TRIM67: variants seen among roughly 807,000 people sequenced by gnomAD.
TRIM67 encodes the protein tripartite motif containing 67, also known as tripartite motif-containing protein 67.
A neutral mutation model predicts 71.0 loss-of-function variants in TRIM67; 39 were observed. That is an observed-to-expected ratio of 0.55 (90% CI 0.43 to 0.72). The LOEUF (loss-of-function observed/expected upper bound fraction) is 0.72, where lower values mean the gene tolerates loss of function less well. Among genes scored for constraint, TRIM67 ranks in the 30% least tolerant of loss-of-function variants. The pLI is 0.00. For synonymous variants in TRIM67, 481 were observed against 473.9 expected, an observed-to-expected ratio of 1.01 and a Z score of -0.19; for missense variants, 973 against 1,079.2, an observed-to-expected ratio of 0.90 and a Z score of 1.38.
chr1:231,217,150 C>T lies in TRIM67; in HGVS notation c.*1710C>T. 1 of 985,980 alleles carries T rather than the reference C, an allele frequency of 1.0e-6. No individual in the cohort carries two copies. The highest frequency in any genetic ancestry group is 1.2e-6 in the Non-Finnish European group (1 of 830,024). The allele number at this position is 985,980 out of a possible 1,614,324, so 61.1% of individuals were successfully genotyped here. ...CAGGCCCGACAATCCTACCTCAAAG[C>T]TCATGCTCTTGGTCTGCAAGGCTGC... On this transcript the variant is annotated 3_prime_UTR_variant, in exon 10 of 10. Coordinates refer to ENST00000366653, the MANE Select transcript of TRIM67 (RefSeq NM_001004342.5).
intron 1 of TRIM67, among the ~76,000 whole-genome samples, chr1:231,174,600 C>G (rs1361411540): frequency 1.3e-5 from 2 of 152,096 alleles, no homozygotes; most frequent in African/African-American, 2.4e-5. Context: ...TAGCCCCTCT[C>G]CCTCTCCCTT....
rs779119849 is a variant in TRIM67, at chr1:231,209,020, CT to C, written c.1894del (p.Cys632AlafsTer48). 6.2e-7 allele frequency: 1 copy of C among 1,613,072 alleles called. No individual in the cohort carries two copies. The highest frequency in any genetic ancestry group is 1.1e-5 in the South Asian group (1 of 91,038). ...ILSNDNQTAT[C>X]SSYDDRVVLG... is the part of the protein sequence containing the mutation. ...TATCCAATGACAACCAGACAGCCAC[CT>C]GCAGCAGCTATGACGACCGGGTGGT... On this transcript the variant is annotated frameshift_variant, in exon 8 of 10. Coordinates refer to ENST00000366653, the MANE Select transcript of TRIM67 (RefSeq NM_001004342.5). LOFTEE classifies it high-confidence loss of function. This position sits in a 1 kb window ranked among gnomAD's most constrained non-coding sequence, Gnocchi z 4.1.
chr1:231,219,886 G>A lies in TRIM67; in HGVS notation c.*4446G>A, dbSNP rs1684100102. On this transcript the variant is annotated 3_prime_UTR_variant, in exon 10 of 10. Coordinates refer to ENST00000366653, the MANE Select transcript of TRIM67 (RefSeq NM_001004342.5). ...AATATCTAGGCTGTAAAAATATGAGGGCAGGTTTCGGGCAGGATGTATTGA... is the reference window on the plus strand; with the variant it reads ...AATATCTAGGCTGTAAAAATATGAGAGCAGGTTTCGGGCAGGATGTATTGA... The A allele has an allele frequency of 7.8e-7, 1 of 1,289,636 alleles. No homozygotes were observed. Among genetic ancestry groups the A allele is most frequent in the South Asian group, 1.2e-5 (1 of 81,014 alleles). The allele number at this position is 1,289,636 out of a possible 1,614,324, so 79.9% of individuals were successfully genotyped here.
chr1:231,189,777 C>G (rs1404909067), intron 1 of TRIM67, among the ~76,000 whole-genome samples: 1 of 152,084 alleles, frequency 6.6e-6, no homozygotes, highest in Non-Finnish European at 1.5e-5. Context: ...AAAGTCCCCA[C>G]TGCTGATACC....
chr1:231,205,489 G>A (rs1048859920), intron 6 of TRIM67, among the ~76,000 whole-genome samples: 1 of 152,180 alleles, frequency 6.6e-6, no homozygotes, highest in Admixed American at 6.5e-5. Context: ...ACTTTGGGAG[G>A]CCAAGGCGGA....
chr1:231,187,426 C>T (rs927174478), intron 1 of TRIM67: 5 of 1,122,642 alleles, frequency 4.5e-6, no homozygotes, highest in Non-Finnish European at 6.1e-6. Flanking sequence ...TTACATTTCT[C>T]ATTTATTTCT....
intron 1 of TRIM67, among the ~76,000 whole-genome samples, chr1:231,167,611 C>T (rs1303357039): frequency 2.8e-5 from 3 of 105,890 alleles, no homozygotes; most frequent in African/African-American, 6.0e-5. Context: ...CGTGAGCCAC[C>T]GCGCCCGGCC....
chr1:231,179,009 G>A (rs1387469359), intron 1 of TRIM67, among the ~76,000 whole-genome samples: 1 of 152,222 alleles, frequency 6.6e-6, no homozygotes, highest in Non-Finnish European at 1.5e-5. Context: ...ATATATGTAA[G>A]GGTATGTATT....
chr1:231,189,081 G>A (rs1404962895), intron 1 of TRIM67, among the ~76,000 whole-genome samples: 1 of 152,172 alleles, frequency 6.6e-6, no homozygotes, highest in Non-Finnish European at 1.5e-5. Flanking sequence ...CCCTCAATCA[G>A]GCACCATTTA....
rs1362143031 is a variant in TRIM67 at position 231,215,486 on chromosome 1, G to A, written c.*46G>A. The A allele has an allele frequency of 2.6e-6, 4 of 1,541,396 alleles. No homozygotes were observed. Among genetic ancestry groups the A allele is most frequent in the Non-Finnish European group, 3.5e-6 (4 of 1,137,488 alleles). On this transcript the variant is annotated 3_prime_UTR_variant, in exon 10 of 10. Coordinates refer to ENST00000366653, the MANE Select transcript of TRIM67 (RefSeq NM_001004342.5). ...GTGCCTGTGACAGTGACATTCACAG[G>A]CAAAACGCCCACCATTCTCACTAAG...
rs200872132 is a variant in TRIM67, at chr1:231,203,875, G to A, written c.1543G>A (p.Val515Ile). 117 of 1,613,184 alleles carry A rather than the reference G, an allele frequency of 7.3e-5. No homozygotes were observed. The African/African-American group carries it at 7.3e-4, about 10-fold the overall frequency. ...GTGTGTCCCCCTCGCAGTGCCACCC[G>A]TCCCCCTACTGCAGCTGGAGAAATG... ...FIQMKCRVPP[V>I]PLLQLEKCCT... The change falls in exon 6 of 10, where the codon GTC becomes ATC. Residue 515 changes from valine to isoleucine, a missense_variant. Around this residue, in one of 2 missense-constraint regions of TRIM67, gnomAD observed 795 missense variants for 831.3 expected, o/e 0.96. Transcript: ENST00000366653.
intron 7 of TRIM67, among the ~76,000 whole-genome samples, chr1:231,207,312 A>C (rs1683732816): frequency 6.6e-6 from 1 of 152,206 alleles, no homozygotes; most frequent in Non-Finnish European, 1.5e-5. Context: ...AGCCTTTCTC[A>C]CAGCGGAAAA....
chr1:231,208,061 G>C (rs1041855416), intron 7 of TRIM67, among the ~76,000 whole-genome samples: 1 of 149,694 alleles, frequency 6.7e-6, no homozygotes, highest in Admixed American at 6.7e-5. Context: ...CCAGGCTGGA[G>C]TGCAATGGCA....
intron 1 of TRIM67, chr1:231,184,769 G>A (rs936586797): frequency 1.8e-6 from 1 of 543,900 alleles, no homozygotes; most frequent in Admixed American, 3.2e-5. Flanking sequence ...ACCATGAGTA[G>A]AGTGCCAGTC....
rs1288635958 is a variant in TRIM67 at position 231,208,831 on chromosome 1, A to C, written c.1820-116A>C. 3.1e-6 allele frequency: 3 copies of C among 982,270 alleles called. No individual in the cohort carries two copies. In the Admixed American group the frequency reaches 7.0e-5, roughly 23 times the overall value. The allele number at this position is 982,270 out of a possible 1,614,324, so 60.8% of individuals were successfully genotyped here. The stretch of plus-strand genomic sequence containing the variant: ...GGTAATCATACAGGAAAGACCCTTC[A>C]CTTCTGGGTGCCGACTTTCTAACAG... On this transcript the variant is annotated intron_variant, in intron 7 of 9. Coordinates refer to ENST00000366653, the MANE Select transcript of TRIM67 (RefSeq NM_001004342.5).
At position 231,163,240 on chromosome 1, in the gene TRIM67, G is replaced by T. The variant is rs544456327; in HGVS notation, c.271G>T (p.Gly91Cys). Residue 91 changes from glycine (G) to cysteine (C), a missense_variant, in exon 1 of 10, where the codon GGT becomes TGT. Transcript: ENST00000366653. ...GAGTGCAGCTGGCGGCCTCGGCGGC[G>T]GTGCGGGAGGTGGCGGAGACCACGC... is the stretch of plus-strand genomic sequence containing the variant. ...GGSAAGGLGG[G>C]AGGGGDHADK... 68 of 1,502,050 alleles carry T rather than the reference G, an allele frequency of 4.5e-5. No individual in the cohort carries two copies. The East Asian group carries it at 1.1e-3, about 24-fold the overall frequency. The allele number at this position is 1,502,050 out of a possible 1,614,324, so 93.0% of individuals were successfully genotyped here.
rs1159771779 is a variant in TRIM67, at chr1:231,215,635, C to T, written c.*195C>T. 2 of 1,344,832 alleles carry T rather than the reference C, an allele frequency of 1.5e-6. No individual in the cohort carries two copies. The highest frequency in any genetic ancestry group is 1.9e-6 in the Non-Finnish European group (2 of 1,046,492). 83.3% of individuals were successfully genotyped at this position (1,344,832 alleles called of 1,614,324 possible). A position where few individuals can be genotyped will look rare whatever the true frequency, so the allele number is the denominator to read the frequency against. On this transcript the variant is annotated 3_prime_UTR_variant, in exon 10 of 10. Transcript: ENST00000366653. ...GTCCACGGGCCATGCTCACAGCTGCCACTGTCAGTGGCAAAGGAAGGTACG... is the reference window on the plus strand; with the variant it reads ...GTCCACGGGCCATGCTCACAGCTGCTACTGTCAGTGGCAAAGGAAGGTACG...
At chr1:231,206,001 C>T (rs980967852) in intron 6 of TRIM67, among the ~76,000 whole-genome samples, 4 of 152,234 alleles carry the variant, frequency 2.6e-5, no homozygotes, top group Admixed American at 6.5e-5. Context: ...CATCACGCCT[C>T]GCCGCCTCGC....
chr1:231,186,715 G>A (rs1683086904), intron 1 of TRIM67, among the ~76,000 whole-genome samples: 1 of 152,152 alleles, frequency 6.6e-6, no homozygotes, highest in African/African-American at 2.4e-5. Context: ...CTGAGGTGCT[G>A]GGGGTTAGGA....
Sources: allele counts gnomAD v4.1 joint callset (sites outside exome capture counted in the v4.1 genomes callset), GRCh38; gene constraint gnomAD v4.1.1; regional missense constraint gnomAD v4.1.1; non-coding constraint Gnocchi (gnomAD v3.1); transcripts MANE v1.5; gene names NCBI Gene and HGNC (gene_info 2026-07-23, HGNC 2026-07-21).